The following USP38 variants were observed in gnomAD, a reference collection of about 807,000 sequenced individuals.
USP38 encodes ubiquitin carboxyl-terminal hydrolase 38.
A neutral mutation model predicts 94.3 loss-of-function variants in USP38; 49 were observed. That is an observed-to-expected ratio of 0.52 (90% CI 0.41 to 0.66). The LOEUF is 0.66. USP38 is among the 30% of genes least tolerant of loss of function. USP38 has a pLI of 0.00. For missense variants in USP38, 1,128 were observed against 1,229.4 expected (o/e 0.92, Z 1.23); for synonymous variants, 468 against 463.6 (o/e 1.01, Z -0.12).
chr4:143,203,249 T>C (rs1448814096), intron 4 of USP38, among the ~76,000 whole-genome samples, 159 bp from the exon 5 acceptor site: 1 of 152,186 alleles, frequency 6.6e-6, no homozygotes, highest in East Asian at 1.9e-4. Flanking sequence ...TTTACCTTGA[T>C]ATTTTAGAAA....
At position 143,185,652 on chromosome 4, in the gene USP38, T is replaced by TA; in HGVS notation, c.203dup (p.Tyr68Ter). Residue 68 changes from tyrosine (Y) to a stop codon, truncating the protein, a stop_gained and frameshift_variant, in exon 1 of 10, where the codon TAC becomes TAAC. Coordinates refer to ENST00000307017, the MANE Select transcript of USP38 (RefSeq NM_032557.6). LOFTEE classifies it high-confidence loss of function. The part of the protein sequence containing the change: ...RQVGHQVLEA[Y>*]ARYHRPEFES... Reference sequence around the variant, plus strand: ...GGTGGGGCACCAGGTGCTGGAGGCCTACGCACGATACCACCGGCCAGAGTT... The same window carrying TA: ...GGTGGGGCACCAGGTGCTGGAGGCCTAACGCACGATACCACCGGCCAGAGTT... 1 of 1,614,134 alleles carries TA rather than the reference T, an allele frequency of 6.2e-7. No individual in the cohort carries two copies. Among genetic ancestry groups the TA allele is most frequent in the Non-Finnish European group, 8.5e-7 (1 of 1,179,998 alleles).
At chr4:143,218,537 A>G (rs901986911) in intron 9 of USP38, among the ~76,000 whole-genome samples, 1 of 152,100 alleles carries the variant, frequency 6.6e-6, no homozygotes, top group Admixed American at 6.6e-5. Context: ...ATATATTTCT[A>G]TAAATAATAA....
chr4:143,210,992 G>A (rs1019002149), intron 7 of USP38, among the ~76,000 whole-genome samples: 4 of 152,004 alleles, frequency 2.6e-5, no homozygotes, highest in Non-Finnish European at 4.4e-5. Context: ...CAAGGGAAAC[G>A]AAATGAAAAC....
rs542623940 is a variant in USP38, at chr4:143,189,261, C to G, written c.818+1300C>G. 4.9e-4 allele frequency among the ~76,000 whole-genome samples: 74 copies of G among 152,074 alleles called. 1 individual carries two copies. In the South Asian group the frequency reaches 6.4e-3, roughly 13 times the overall value. Reference sequence around the variant, plus strand: ...CAAAGGTGCTCATCTGTAGAGCTTACTTAGTTACTGAGTTTCTTTATTTCA... The same window carrying G: ...CAAAGGTGCTCATCTGTAGAGCTTAGTTAGTTACTGAGTTTCTTTATTTCA... On this transcript the variant is annotated intron_variant, in intron 2 of 9. Transcript: ENST00000307017.
chr4:143,201,748 A>T (rs1454794921), intron 4 of USP38, among the ~76,000 whole-genome samples: 1 of 152,202 alleles, frequency 6.6e-6, no homozygotes, highest in Non-Finnish European at 1.5e-5. Context: ...AAGAAAAAAA[A>T]TCAAAGCTTC....
At chr4:143,205,209 G>A (rs533659611) in intron 5 of USP38, among the ~76,000 whole-genome samples, 7 of 152,220 alleles carry the variant, frequency 4.6e-5, no homozygotes, top group Admixed American at 3.3e-4. Context: ...CAATGGGCTC[G>A]CTCTAAGCCC....
In USP38 at chr4:143,204,605, T is replaced by C. The variant is rs1269210907; in HGVS notation, c.1209+1039T>C. The C allele has an allele frequency of 9.6e-6, 3 of 313,102 alleles. No homozygotes were observed. The Admixed American group carries it at 1.4e-4, about 15-fold the overall frequency. The allele number at this position is 313,102 out of a possible 1,614,324, so 19.4% of individuals were successfully genotyped here. On this transcript the variant is annotated intron_variant, in intron 5 of 9. Coordinates refer to ENST00000307017, the MANE Select transcript of USP38 (RefSeq NM_032557.6). ...GGCCTCACTATGTTGCTCAGGCTGGTCTTGAATTCCTAGGCTCAAGTGATC... is the reference window on the plus strand; with the variant it reads ...GGCCTCACTATGTTGCTCAGGCTGGCCTTGAATTCCTAGGCTCAAGTGATC...
At position 143,221,939 on chromosome 4, in the gene USP38, T is replaced by G. The variant is rs1732334077; in HGVS notation, c.*1483T>G. 1 of 152,024 alleles carries G rather than the reference T, an allele frequency of 6.6e-6. No individual in the cohort carries two copies. The highest frequency in any genetic ancestry group is 1.5e-5 in the Non-Finnish European group (1 of 67,970). The allele number at this position is 152,024 out of a possible 1,614,324, so 9.4% of individuals were successfully genotyped here. Reference sequence around the variant, plus strand: ...AGATTAGATTAAAAACTGAAAATTCTTTGCAGATTTAATGAAGGTTCTCCT... The same window carrying G: ...AGATTAGATTAAAAACTGAAAATTCGTTGCAGATTTAATGAAGGTTCTCCT... On this transcript the variant is annotated 3_prime_UTR_variant, in exon 10 of 10. Transcript: ENST00000307017.
At chr4:143,187,604 C>T (rs1731266323) in intron 1 of USP38, among the ~76,000 whole-genome samples, 1 of 152,122 alleles carries the variant, frequency 6.6e-6, no homozygotes. Flanking sequence ...TTTCAGTATT[C>T]TGTCTATAGT....
intron 6 of USP38, among the ~76,000 whole-genome samples, chr4:143,209,017 C>G (rs1030648180): frequency 6.7e-6 from 1 of 148,870 alleles, no homozygotes; most frequent in Non-Finnish European, 1.5e-5. Context: ...TTCCCACGCT[C>G]TATTCTTTAA....
At chr4:143,205,782 A>G (rs1731843882) in intron 5 of USP38, among the ~76,000 whole-genome samples, 1 of 152,172 alleles carries the variant, frequency 6.6e-6, no homozygotes, top group Admixed American at 6.6e-5. Context: ...TTCAAATGTG[A>G]CTTGAATTTC....
At chr4:143,201,895 A>G (rs552460098) in intron 4 of USP38, among the ~76,000 whole-genome samples, 1 of 152,276 alleles carries the variant, frequency 6.6e-6, no homozygotes, top group East Asian at 1.9e-4. Flanking sequence ...GTATATCTGT[A>G]TAACTGTGAA....
At chr4:143,215,770 A>G (rs781064159) in intron 9 of USP38, among the ~76,000 whole-genome samples, 1 of 152,136 alleles carries the variant, frequency 6.6e-6, no homozygotes. Context: ...ATGAGCCACT[A>G]TAGTACTGAT....
intron 9 of USP38, among the ~76,000 whole-genome samples, chr4:143,217,975 C>G (rs1732227069): frequency 6.6e-6 from 1 of 151,976 alleles, no homozygotes; most frequent in South Asian, 2.1e-4. Flanking sequence ...GTTTTAATGT[C>G]TGGAATATAA....
At position 143,212,380 on chromosome 4, in the gene USP38, A is replaced by T; in HGVS notation, c.1560A>T (p.Arg520Ser). ...EASRPPWFTP[R>S]SQQDCSEYLR... is the part of the protein sequence containing the mutation. ...CCAGACCTCCATGGTTTACTCCCAG[A>T]TCACAGCAAGACTGTTCTGAATACC... The change falls in exon 8 of 10, where the codon AGA becomes AGT. Residue 520 changes from arginine (R) to serine (S), a missense_variant. By Grantham distance (110) the Arg-to-Ser change is moderately radical (BLOSUM62 -1). Coordinates refer to ENST00000307017, the MANE Select transcript of USP38 (RefSeq NM_032557.6). The T allele has an allele frequency of 6.2e-7, 1 of 1,612,468 alleles. No homozygotes were observed. Among genetic ancestry groups the T allele is most frequent in the South Asian group, 1.1e-5 (1 of 90,938 alleles).
intron 5 of USP38, 100 bp downstream of exon 5, chr4:143,203,666 T>C: frequency 1.6e-6 from 2 of 1,274,188 alleles, no homozygotes; most frequent in South Asian, 3.1e-5. Context: ...TATGGTAATA[T>C]GCTTTTTATT....
chr4:143,204,396 C>CTTTTT, intron 5 of USP38: 1 of 400,816 alleles, frequency 2.5e-6, no homozygotes, highest in South Asian at 1.8e-5. Flanking sequence ...CTAAAAAGCA[C>CTTTTT]TTTTTTTTTT....
At position 143,214,325 on chromosome 4, in the gene USP38, T is replaced by C; in HGVS notation, c.2349T>C (p.Asn783=). The change falls in exon 9 of 10, where the codon AAT becomes AAC. Residue 783 remains asparagine (N), a synonymous_variant. Transcript: ENST00000307017. Reference sequence around the variant, plus strand: ...ATGTGAGAAGGAAAATTTTAGACAATGTATCACTGCCACTGGTTTTGGAGT... The same window carrying C: ...ATGTGAGAAGGAAAATTTTAGACAACGTATCACTGCCACTGGTTTTGGAGT... ...KYHVRRKILD[N]VSLPLVLELP... 2 of 1,613,052 alleles carry C rather than the reference T, an allele frequency of 1.2e-6. No individual in the cohort carries two copies. The highest frequency in any genetic ancestry group is 8.5e-7 in the Non-Finnish European group (1 of 1,179,680).
rs1340501542 is a variant in USP38, at chr4:143,203,512, G to A, written c.1155G>A (p.Met385Ile). The change falls in exon 5 of 10, where the codon ATG (methionine) becomes ATA (isoleucine). Residue 385 changes from methionine to isoleucine, a missense_variant. Met to Ile is a conservative substitution (Grantham distance 10, BLOSUM62 1). Transcript: ENST00000307017. ...TAACAGAATTGATACACTGTATGAT[G>A]TATCATTATTCTGGATTTCCAGATC... ...VQLTELIHCM[M>I]YHYSGFPDLY... 10 of 1,612,814 alleles carry A rather than the reference G, an allele frequency of 6.2e-6. No homozygotes were observed. Among genetic ancestry groups the A allele is most frequent in the East Asian group, 2.2e-5 (1 of 44,724 alleles).
Sources: allele counts gnomAD v4.1 joint callset (sites outside exome capture counted in the v4.1 genomes callset), GRCh38; gene constraint gnomAD v4.1.1; transcripts MANE v1.5; gene names NCBI Gene and HGNC (gene_info 2026-07-23, HGNC 2026-07-21).